The following SLC13A3 variants were observed in gnomAD, a reference collection of about 807,000 sequenced individuals.
The protein encoded by SLC13A3 is Na(+)/dicarboxylate cotransporter 3.
Under a neutral mutation model 59.0 loss-of-function variants are expected in SLC13A3, and 40 were observed. The ratio of observed to expected loss-of-function variants is 0.68; its 90% CI spans 0.53 to 0.88. SLC13A3 has a LOEUF of 0.88. SLC13A3 is among the 40% of genes least tolerant of loss of function. The pLI is 0.00. For missense variants in SLC13A3, 699 were observed against 783.2 expected, an observed-to-expected ratio of 0.89 and a Z score of 1.28; for synonymous variants, 317 against 330.3, an observed-to-expected ratio of 0.96 and a Z score of 0.44.
chr20:46,561,857 G>T (rs1379415812), intron 12 of SLC13A3, among the ~76,000 whole-genome samples: 2 of 152,022 alleles, frequency 1.3e-5, no homozygotes, highest in Admixed American at 1.3e-4. Flanking sequence ...GTCTCCCTTT[G>T]CCAGGGCTCA....
In SLC13A3 at chr20:46,575,689, G is replaced by T; in HGVS notation, c.1220-4C>A. Reference sequence around the variant, plus strand: ...GGCTCTGTCTCTGTGTTGGGAGCTGGGCAGAGAGAGGGATTCAGCACACAC... The same window carrying T: ...GGCTCTGTCTCTGTGTTGGGAGCTGTGCAGAGAGAGGGATTCAGCACACAC... On this transcript the variant is annotated splice_polypyrimidine_tract_variant and splice_region_variant and intron_variant, in intron 9 of 12. Transcript: ENST00000279027. 1 of 1,560,706 alleles carries T rather than the reference G, an allele frequency of 6.4e-7. No homozygotes were observed. Among genetic ancestry groups the T allele is most frequent in the East Asian group, 2.3e-5 (1 of 43,176 alleles).
At chr20:46,683,784 C>T (rs2063165278) in intron 1 of SLC13A3, among the ~76,000 whole-genome samples, 1 of 152,176 alleles carries the variant, frequency 6.6e-6, no homozygotes, top group African/African-American at 2.4e-5. Flanking sequence ...TTCTCCACCG[C>T]GTTCCCTGCC....
rs73313068 is a variant in SLC13A3 at position 46,663,656 on chromosome 20, A to G, written c.-31+6387T>C. On this transcript the variant is annotated intron_variant, in intron 1 of 12. Transcript: ENST00000290317. ...GAGCTTTACATGATTTAATTCATTG[A>G]ACATTTAAATAACCCTATGAAATAG... is the stretch of plus-strand genomic sequence containing the variant. 7.4e-3 allele frequency among the ~76,000 whole-genome samples: 1,129 copies of G among 152,266 alleles called. 19 individuals carry two copies. The highest frequency in any genetic ancestry group is 0.026 in the African/African-American group (1,078 of 41,534).
intron 9 of SLC13A3, among the ~76,000 whole-genome samples, chr20:46,575,975 G>T (rs1017419973): frequency 3.3e-5 from 5 of 152,176 alleles, no homozygotes; most frequent in African/African-American, 1.2e-4. Flanking sequence ...GGGCACAAGT[G>T]CTATTTTTAC....
At chr20:46,616,928 C>T (rs1029761401) in intron 1 of SLC13A3, among the ~76,000 whole-genome samples, 1 of 152,194 alleles carries the variant, frequency 6.6e-6, no homozygotes, top group Non-Finnish European at 1.5e-5. Context: ...GATGGAGCCA[C>T]CTCTCCTCTT....
intron 1 of SLC13A3, among the ~76,000 whole-genome samples, chr20:46,633,791 C>T (rs1455849055): frequency 1.3e-5 from 2 of 152,374 alleles, no homozygotes; most frequent in Admixed American, 1.3e-4. Context: ...TGCCTCAATG[C>T]AAACCATAGA....
At chr20:46,681,713 T>C (rs1174976702) in intron 1 of SLC13A3, 1 of 152,226 alleles carries the variant, frequency 6.6e-6, no homozygotes, top group Admixed American at 6.5e-5. Flanking sequence ...CTTACTGTTA[T>C]GGAGGAATAC....
intron 1 of SLC13A3, among the ~76,000 whole-genome samples, chr20:46,636,354 C>G (rs2062795217): frequency 6.6e-6 from 1 of 152,130 alleles, no homozygotes. Context: ...TCTGCCATGT[C>G]CCCCTAGAAT....
At chr20:46,624,975 A>AG (rs11481406) in intron 1 of SLC13A3, among the ~76,000 whole-genome samples, 1,809 of 151,784 alleles carry the variant, frequency 0.012, 41 homozygotes, top group African/African-American at 0.042. Context: ...TGTTCTGAGA[A>AG]GGGGGAGATC....
chr20:46,675,474 G>GC (rs998335836), intron 1 of SLC13A3, among the ~76,000 whole-genome samples: 1 of 142,018 alleles, frequency 7.0e-6, no homozygotes, highest in Non-Finnish European at 1.5e-5. Context: ...TCGAACTTCT[G>GC]AGCTCAGGCA....
At position 46,579,787 on chromosome 20, in the gene SLC13A3, T is replaced by G. The variant is rs536488319; in HGVS notation, c.1219+3785A>C. Among the ~76,000 whole-genome samples the G allele has an allele frequency of 1.1e-4, 17 of 152,238 alleles. No homozygotes were observed. In the East Asian group the frequency reaches 2.7e-3, roughly 24 times the overall value. ...TATTTAAAACCAGGGAGATTCCACA[T>G]AAAAATCTAGATTTTTGGCTTCTTT... is the stretch of plus-strand genomic sequence containing the variant. On this transcript the variant is annotated intron_variant, in intron 9 of 12. Transcript: ENST00000279027.
chr20:46,559,453 A>G lies in SLC13A3; in HGVS notation c.*569T>C, dbSNP rs2061912233. 6.6e-6 allele frequency: 1 copy of G among 152,394 alleles called. No individual in the cohort carries two copies. Among genetic ancestry groups the G allele is most frequent in the African/African-American group, 2.4e-5 (1 of 41,476 alleles). 9.4% of individuals were successfully genotyped at this position (152,394 alleles called of 1,614,324 possible). A position where few individuals can be genotyped will look rare whatever the true frequency, so the allele number is the denominator to read the frequency against. On this transcript the variant is annotated 3_prime_UTR_variant, in exon 13 of 13. Transcript: ENST00000279027. ...CTATCTGTCCCTTTCCCTGTCTCCA[A>G]GGATTAAAAAAGAATCTCTGACTGC...
chr20:46,566,432 C>G (rs778598760), intron 10 of SLC13A3, 42 bp from the exon 11 acceptor site: 2 of 1,584,492 alleles, frequency 1.3e-6, no homozygotes, highest in East Asian at 4.5e-5. Context: ...AGCCCATCCC[C>G]AGCTGCCGCC....
At chr20:46,609,296 TG>T (rs879731175) in intron 3 of SLC13A3, among the ~76,000 whole-genome samples, 151 of 152,226 alleles carry the variant, frequency 9.9e-4, no homozygotes, top group Non-Finnish European at 1.8e-3. Context: ...AACTTCACTG[TG>T]TAATTTGGGA....
intron 10 of SLC13A3, among the ~76,000 whole-genome samples, chr20:46,574,627 C>T (rs970535502): frequency 6.6e-6 from 1 of 152,062 alleles, no homozygotes; most frequent in African/African-American, 2.4e-5. Flanking sequence ...CTATCTAGGA[C>T]TTATATGAGA....
intron 1 of SLC13A3, 83 bp from the exon 2 acceptor site, chr20:46,613,808 G>C: frequency 8.1e-7 from 1 of 1,236,462 alleles, no homozygotes; most frequent in South Asian, 1.6e-5. Context: ...GGCAGAGGGG[G>C]AAGGAGGCCT....
In SLC13A3 at chr20:46,558,826, T is replaced by C. The variant is rs1411135411; in HGVS notation, c.*1196A>G. 6.6e-6 allele frequency: 1 copy of C among 152,160 alleles called. No homozygotes were observed. The highest frequency in any genetic ancestry group is 2.4e-5 in the African/African-American group (1 of 41,416). 9.4% of individuals were successfully genotyped at this position (152,160 alleles called of 1,614,324 possible). ...GCTGGTGTCTTTTCCAATACTGGGCTAATGCTGGGCCATTCCATTCAGCAG... is the reference window on the plus strand; with the variant it reads ...GCTGGTGTCTTTTCCAATACTGGGCCAATGCTGGGCCATTCCATTCAGCAG... On this transcript the variant is annotated 3_prime_UTR_variant, in exon 13 of 13. Coordinates refer to ENST00000279027, the MANE Select transcript of SLC13A3 (RefSeq NM_022829.6).
chr20:46,644,142 C>A (rs2062871791), intron 1 of SLC13A3, among the ~76,000 whole-genome samples: 1 of 152,234 alleles, frequency 6.6e-6, no homozygotes, highest in Non-Finnish European at 1.5e-5. Context: ...CTGCCCCTCA[C>A]TGAAGCCTTT....
intron 1 of SLC13A3, chr20:46,682,288 T>C (rs568924306): frequency 6.6e-6 from 1 of 152,258 alleles, no homozygotes; most frequent in African/African-American, 2.4e-5. Context: ...GGTGGATTCT[T>C]GCAGTTAAAT....
Sources: gnomAD v4.1 joint callset for allele counts (sites outside exome capture counted in the v4.1 genomes callset) on GRCh38, gnomAD v4.1.1 for gene constraint, MANE v1.5 for transcripts, NCBI Gene and HGNC (gene_info 2026-07-23, HGNC 2026-07-21) for gene names.